The following PARD3B variants were observed in gnomAD, a reference collection of about 807,000 sequenced individuals.
PARD3B encodes the protein par-3 family cell polarity regulator beta, also known as partitioning defective 3 homolog B.
Under a neutral mutation model 130.2 loss-of-function variants are expected in PARD3B, and 103 were observed. The observed-to-expected ratio is 0.79, with a 90% CI of 0.67 to 0.93. The LOEUF (loss-of-function observed/expected upper bound fraction) is 0.93. Among genes scored for constraint, PARD3B ranks in the 40% least tolerant of loss-of-function variants. The pLI, the probability that PARD3B is intolerant of heterozygous loss-of-function variation, is 0.00. For missense variants in PARD3B, 1,609 were observed against 1,499.2 expected, an observed-to-expected ratio of 1.07 and a Z score of -1.21; for synonymous variants, 583 against 553.2, an observed-to-expected ratio of 1.05 and a Z score of -0.76.
chr2:205,039,856 T>G (rs1205589896), intron 3 of PARD3B, among the ~76,000 whole-genome samples: 1 of 152,224 alleles, frequency 6.6e-6, no homozygotes, highest in Non-Finnish European at 1.5e-5. Context: ...AGATAGAGAA[T>G]GTGGCCCTGC....
At chr2:205,433,261 G>A (rs1210528076) in intron 19 of PARD3B, among the ~76,000 whole-genome samples, 1 of 152,036 alleles carries the variant, frequency 6.6e-6, no homozygotes, top group Non-Finnish European at 1.5e-5. Flanking sequence ...GGCTGGGCAC[G>A]GTGGCTCATG....
chr2:204,943,646 TA>T lies in PARD3B; in HGVS notation c.223-21505del, dbSNP rs1689089125. Reference sequence around the variant, plus strand: ...GTTTGGAATTTATTTTGTTTTATTGTATTGGATTCCATATTAATAGAGGTGC... The same window carrying T: ...GTTTGGAATTTATTTTGTTTTATTGTTTGGATTCCATATTAATAGAGGTGC... On this transcript the variant is annotated intron_variant, in intron 2 of 22. Coordinates refer to ENST00000406610, the MANE Select transcript of PARD3B (RefSeq NM_001302769.2). This position sits in a 1 kb window ranked among gnomAD's most constrained non-coding sequence, Gnocchi z 4.2. 1.3e-5 allele frequency among the ~76,000 whole-genome samples: 2 copies of T among 152,216 alleles called. No individual in the cohort carries two copies. Among genetic ancestry groups the T allele is most frequent in the African/African-American group, 2.4e-5 (1 of 41,448 alleles).
intron 3 of PARD3B, among the ~76,000 whole-genome samples, chr2:204,966,834 A>C (rs946316403): frequency 2.6e-5 from 4 of 152,340 alleles, no homozygotes; most frequent in Admixed American, 6.5e-5. Flanking sequence ...TATTTATTAC[A>C]TGAGTACACA....
chr2:204,851,604 A>G (rs2044709154), intron 2 of PARD3B, among the ~76,000 whole-genome samples: 3 of 152,226 alleles, frequency 2.0e-5, no homozygotes, highest in South Asian at 4.1e-4. Context: ...AATATTTTAT[A>G]CAGGTTAAAT....
In PARD3B at chr2:205,238,669, T is replaced by A. The variant is rs1315709098; in HGVS notation, c.2141-7109T>A. ...CAACATGGTGAAACCCCGTCTTTAC[T>A]AAAAATACAAAAATTAGCTGGGCCT... is the stretch of plus-strand genomic sequence containing the variant. On this transcript the variant is annotated intron_variant, in intron 15 of 22. Transcript: ENST00000406610. Among the ~76,000 whole-genome samples the A allele has an allele frequency of 1.9e-4, 28 of 150,414 alleles. 1 individual carries two copies. The highest frequency in any genetic ancestry group is 6.8e-4 in the African/African-American group (28 of 41,040).
At chr2:205,073,763 A>G (rs1700880185) in intron 4 of PARD3B, among the ~76,000 whole-genome samples, 1 of 152,306 alleles carries the variant, frequency 6.6e-6, no homozygotes, top group Admixed American at 6.5e-5. Context: ...AAAAAGCCCT[A>G]GGCACATGTA....
chr2:204,611,397 G>C (rs2033916587), intron 1 of PARD3B, among the ~76,000 whole-genome samples: 1 of 152,216 alleles, frequency 6.6e-6, no homozygotes, highest in Non-Finnish European at 1.5e-5. Flanking sequence ...TACAGCAGCA[G>C]ATTAGGACTT....
chr2:204,801,884 G>A (rs6723322), intron 2 of PARD3B, among the ~76,000 whole-genome samples: 38,472 of 152,058 alleles, frequency 0.25, 8,669 homozygotes, highest in African/African-American at 0.6. Flanking sequence ...CATTCCATCA[G>A]TACATAGTTA....
chr2:204,646,929 C>T (rs568204747), intron 1 of PARD3B, among the ~76,000 whole-genome samples: 111 of 152,002 alleles, frequency 7.3e-4, no homozygotes, highest in African/African-American at 2.2e-3. Flanking sequence ...TACAGTTGGA[C>T]GAAATTATCT....
chr2:205,490,109 T>A (rs2049635243), intron 20 of PARD3B, among the ~76,000 whole-genome samples: 1 of 152,142 alleles, frequency 6.6e-6, no homozygotes, highest in South Asian at 2.1e-4. Flanking sequence ...AGTGGGCCTT[T>A]ATTTCTTTTT....
intron 16 of PARD3B, among the ~76,000 whole-genome samples, chr2:205,255,984 T>C (rs1335860323): frequency 6.6e-6 from 1 of 152,144 alleles, no homozygotes; most frequent in African/African-American, 2.4e-5. Flanking sequence ...TCTAGTCACT[T>C]GGTTGATTCC....
chr2:205,581,043 G>C (rs899203804), intron 22 of PARD3B, among the ~76,000 whole-genome samples: 2 of 151,982 alleles, frequency 1.3e-5, no homozygotes, highest in African/African-American at 4.8e-5. Flanking sequence ...ATTTGAATAA[G>C]ATTAAGCATT....
chr2:205,295,494 T>C (rs2041755970), intron 16 of PARD3B, among the ~76,000 whole-genome samples: 1 of 152,238 alleles, frequency 6.6e-6, no homozygotes, highest in African/African-American at 2.4e-5. Flanking sequence ...TTGATGTTAT[T>C]GGAATGTACA....
chr2:204,620,709 C>T (rs963258091), intron 1 of PARD3B, among the ~76,000 whole-genome samples: 4 of 152,126 alleles, frequency 2.6e-5, no homozygotes, highest in Non-Finnish European at 5.9e-5. Flanking sequence ...ATACGTAGTC[C>T]TGTACTGTAG....
chr2:204,636,033 C>A (rs896499924), intron 1 of PARD3B, among the ~76,000 whole-genome samples: 6 of 151,962 alleles, frequency 3.9e-5, no homozygotes, highest in Non-Finnish European at 5.9e-5. Context: ...GTTTGTAAGC[C>A]TCTCTTGAGG....
At chr2:205,092,540 G>T (rs1211968422) in intron 4 of PARD3B, among the ~76,000 whole-genome samples, 3 of 152,178 alleles carry the variant, frequency 2.0e-5, no homozygotes, top group African/African-American at 7.2e-5. Context: ...ACCAATGAAG[G>T]CTAAGGAAAT....
chr2:204,773,630 G>T (rs1004648182), intron 2 of PARD3B, among the ~76,000 whole-genome samples: 2 of 152,048 alleles, frequency 1.3e-5, no homozygotes, highest in African/African-American at 4.8e-5. Context: ...CCTTGAAAAT[G>T]TGCTTGTCAA....
chr2:205,363,652 T>G, intron 18 of PARD3B, among the ~76,000 whole-genome samples: 1 of 151,520 alleles, frequency 6.6e-6, no homozygotes, highest in Non-Finnish European at 1.5e-5. Flanking sequence ...GGAGCCTCTG[T>G]TTTTGTTTTG....
Position 205,592,574 on chromosome 2 carries a change from T to G in PARD3B, c.3261-22882T>G, listed in dbSNP as rs1030791586. On this transcript the variant is annotated intron_variant, in intron 22 of 22. Coordinates refer to ENST00000406610, the MANE Select transcript of PARD3B (RefSeq NM_001302769.2). This position sits in a 1 kb window ranked among gnomAD's most constrained non-coding sequence, Gnocchi z 4.5. ...AAAACAGGTGATTAAATACAATGGTTATTGATTCCATAGAGGCAGAATGTT... is the reference window on the plus strand; with the variant it reads ...AAAACAGGTGATTAAATACAATGGTGATTGATTCCATAGAGGCAGAATGTT... Among the ~76,000 whole-genome samples the G allele has an allele frequency of 6.6e-6, 1 of 152,176 alleles. No individual in the cohort carries two copies. The highest frequency in any genetic ancestry group is 2.1e-4 in the South Asian group (1 of 4,816).
Sources: allele counts gnomAD v4.1 joint callset (sites outside exome capture counted in the v4.1 genomes callset), GRCh38; gene constraint gnomAD v4.1.1; non-coding constraint Gnocchi (gnomAD v3.1); transcripts MANE v1.5; gene names NCBI Gene and HGNC (gene_info 2026-07-23, HGNC 2026-07-21).